Variants in NKAIN2 observed in about 807,000 individuals in gnomAD.
NKAIN2 encodes the protein sodium/potassium transporting ATPase interacting 2, also known as sodium/potassium-transporting ATPase subunit beta-1-interacting protein 2.
Under a neutral mutation model 32.6 loss-of-function variants are expected in NKAIN2, and 14 were observed. The observed-to-expected ratio is 0.43, with a 90% CI of 0.28 to 0.67. The LOEUF is 0.67. Among genes scored for constraint, NKAIN2 ranks in the 30% least tolerant of loss-of-function variants. NKAIN2 has a pLI of 0.17. For synonymous variants in NKAIN2, 80 were observed against 87.2 expected (o/e 0.92, Z 0.46); for missense variants, 198 against 258.3 (o/e 0.77, Z 1.60).
At chr6:123,994,087 A>G (rs906565731) in intron 1 of NKAIN2, among the ~76,000 whole-genome samples, 1 of 152,162 alleles carries the variant, frequency 6.6e-6, no homozygotes, top group Non-Finnish European at 1.5e-5. Context: ...TTCTACTGAG[A>G]GTAGAATACT....
At chr6:124,622,867 C>T (rs893925409) in intron 3 of NKAIN2, among the ~76,000 whole-genome samples, 14 of 152,162 alleles carry the variant, frequency 9.2e-5, no homozygotes, top group African/African-American at 3.1e-4. Flanking sequence ...ATCTCCTCAT[C>T]TGCTGGCCTG....
intron 1 of NKAIN2, among the ~76,000 whole-genome samples, chr6:123,973,811 A>G (rs901628340): frequency 2.0e-5 from 3 of 152,268 alleles, no homozygotes; most frequent in Middle Eastern, 3.4e-3. Flanking sequence ...GAATTGCTAA[A>G]GGATAGAACT....
At chr6:124,690,553 G>A (rs913119504) in intron 4 of NKAIN2, among the ~76,000 whole-genome samples, 6 of 152,092 alleles carry the variant, frequency 3.9e-5, no homozygotes, top group African/African-American at 1.2e-4. Flanking sequence ...TAAATATGAT[G>A]TAGCTTTTTC....
At chr6:124,004,164 G>A (rs1371284173) in intron 1 of NKAIN2, among the ~76,000 whole-genome samples, 1 of 152,132 alleles carries the variant, frequency 6.6e-6, no homozygotes, top group Non-Finnish European at 1.5e-5. Flanking sequence ...TTGGGAAAAA[G>A]TATCTGAATG....
chr6:124,430,485 A>G (rs558984032), intron 3 of NKAIN2, among the ~76,000 whole-genome samples: 1 of 152,212 alleles, frequency 6.6e-6, no homozygotes, highest in African/African-American at 2.4e-5. Flanking sequence ...TTTGGCCTGC[A>G]GTCTTCTAAG....
intron 4 of NKAIN2, among the ~76,000 whole-genome samples, chr6:124,753,186 C>G (rs918907607): frequency 6.6e-6 from 1 of 152,006 alleles, no homozygotes; most frequent in Admixed American, 6.6e-5. Context: ...AGTGATTGTA[C>G]CAAAATGGGC....
chr6:124,205,194 C>T (rs962121748), intron 1 of NKAIN2, among the ~76,000 whole-genome samples: 1 of 151,730 alleles, frequency 6.6e-6, no homozygotes, highest in Non-Finnish European at 1.5e-5. Flanking sequence ...ATGAAGATGG[C>T]TATGAAGGTT....
rs1415154482 is a variant in NKAIN2, at chr6:124,172,226, T to C, written c.55-110779T>C. Reference sequence around the variant, plus strand: ...AATAATTTGCATGTTTTTAAAAAACTCTTTCATGGAATACATGACTGGCTT... The same window carrying C: ...AATAATTTGCATGTTTTTAAAAAACCCTTTCATGGAATACATGACTGGCTT... On this transcript the variant is annotated intron_variant, in intron 1 of 6. Coordinates refer to ENST00000368417, the MANE Select transcript of NKAIN2 (RefSeq NM_001040214.3). 1.3e-5 allele frequency among the ~76,000 whole-genome samples: 2 copies of C among 152,210 alleles called. 1 individual carries two copies. The highest frequency in any genetic ancestry group is 1.3e-4 in the Admixed American group (2 of 15,280).
intron 1 of NKAIN2, among the ~76,000 whole-genome samples, chr6:123,918,870 G>A (rs1582778224): frequency 6.6e-6 from 1 of 152,072 alleles, no homozygotes; most frequent in African/African-American, 2.4e-5. Context: ...ATCACAAACC[G>A]TGTTTACTTC....
intron 1 of NKAIN2, among the ~76,000 whole-genome samples, chr6:124,135,469 G>A (rs1212918131): frequency 7.0e-6 from 1 of 142,862 alleles, no homozygotes; most frequent in Non-Finnish European, 1.5e-5. Context: ...TCAAGCAGGA[G>A]TAGCTATTCT....
chr6:124,756,413 A>C (rs941099735), intron 4 of NKAIN2, among the ~76,000 whole-genome samples: 10 of 152,084 alleles, frequency 6.6e-5, no homozygotes, highest in Non-Finnish European at 1.5e-5. Flanking sequence ...TCTTTCTATG[A>C]CTTTCTTTAC....
chr6:123,882,255 A>G (rs1773488822), intron 1 of NKAIN2, among the ~76,000 whole-genome samples: 1 of 152,134 alleles, frequency 6.6e-6, no homozygotes, highest in Non-Finnish European at 1.5e-5. Flanking sequence ...CAAGACATTC[A>G]GGGACTTTGG....
At chr6:124,346,840 A>C (rs2115107761) in intron 2 of NKAIN2, among the ~76,000 whole-genome samples, 1 of 151,778 alleles carries the variant, frequency 6.6e-6, no homozygotes, top group Non-Finnish European at 1.5e-5. Context: ...TTACATTTAA[A>C]GTTAATATTG....
At chr6:124,132,792 A>G (rs1018959371) in intron 1 of NKAIN2, among the ~76,000 whole-genome samples, 4 of 152,320 alleles carry the variant, frequency 2.6e-5, no homozygotes, top group African/African-American at 9.6e-5. Flanking sequence ...CTCTTTGCAG[A>G]TGTTTCCTGG....
intron 3 of NKAIN2, among the ~76,000 whole-genome samples, chr6:124,508,500 C>T (rs1778581501): frequency 4.4e-5 from 1 of 22,840 alleles, no homozygotes; most frequent in Non-Finnish European, 1.2e-4. Context: ...GCCACCATGC[C>T]CGGCTAATTT....
At chr6:124,779,281 G>GGC in intron 4 of NKAIN2, among the ~76,000 whole-genome samples, 1 of 115,656 alleles carries the variant, frequency 8.6e-6, no homozygotes, top group Non-Finnish European at 1.8e-5. Context: ...GAGAGAGAGA[G>GGC]AGGAAGGCAG....
intron 3 of NKAIN2, among the ~76,000 whole-genome samples, chr6:124,461,582 C>T (rs1311301287): frequency 1.3e-5 from 2 of 151,524 alleles, no homozygotes; most frequent in African/African-American, 2.4e-5. Context: ...GCTTTTTGTA[C>T]CTGTTACAAA....
chr6:124,103,131 G>A (rs959953504), intron 1 of NKAIN2, among the ~76,000 whole-genome samples: 1 of 152,076 alleles, frequency 6.6e-6, no homozygotes. Flanking sequence ...GTGGTAAAGG[G>A]TTTACAGTTA....
intron 5 of NKAIN2, among the ~76,000 whole-genome samples, chr6:124,810,411 T>C (rs776668862): frequency 2.0e-4 from 30 of 151,896 alleles, no homozygotes; most frequent in Non-Finnish European, 4.1e-4. Context: ...CATATTCTCA[T>C]TCGTAGGTGG....
Sources: allele counts gnomAD v4.1 joint callset (sites outside exome capture counted in the v4.1 genomes callset), GRCh38; gene constraint gnomAD v4.1.1; transcripts MANE v1.5; gene names NCBI Gene and HGNC (gene_info 2026-07-23, HGNC 2026-07-21).